GRM8: variants seen among roughly 807,000 people sequenced by gnomAD.
GRM8 encodes the protein glutamate metabotropic receptor 8, also known as metabotropic glutamate receptor 8.
In GRM8, 47 loss-of-function variants were observed where a neutral mutation model predicts 87.2. The observed-to-expected ratio is 0.54, with a 90% CI of 0.43 to 0.69. GRM8 has a LOEUF of 0.69. GRM8 is among the 30% of genes least tolerant of loss of function. GRM8 has a pLI of 0.00. For synonymous variants in GRM8, 396 were observed against 404.5 expected (o/e 0.98, Z 0.25); for missense variants, 1,019 against 1,139.2 (o/e 0.89, Z 1.52).
chr7:127,100,317 A>G lies in GRM8; in HGVS notation c.727+6179T>C, dbSNP rs567868795. ...CCTGTTTTCTTATGAAACACTGCTC[A>G]TCATCCTTAAATTTTTTTCTGAGGA... On this transcript the variant is annotated intron_variant, in intron 3 of 10. Transcript: ENST00000339582. Among the ~76,000 whole-genome samples the G allele has an allele frequency of 9.9e-5, 15 of 152,266 alleles. No homozygotes were observed. The East Asian group carries it at 2.7e-3, about 27-fold the overall frequency.
intron 7 of GRM8, among the ~76,000 whole-genome samples, chr7:126,708,447 T>G (rs531274363): frequency 1.3e-5 from 2 of 152,138 alleles, no homozygotes; most frequent in East Asian, 3.9e-4. Flanking sequence ...GCAGCATTAT[T>G]CACAATAGTG....
intron 1 of GRM8, among the ~76,000 whole-genome samples, chr7:127,246,908 C>T (rs1424213361): frequency 1.3e-5 from 2 of 152,186 alleles, no homozygotes; most frequent in Admixed American, 1.3e-4. Flanking sequence ...TGGCCCCAAC[C>T]CCTGAGAGCG....
chr7:126,870,450 T>C (rs938951477), intron 6 of GRM8: 2 of 152,262 alleles, frequency 1.3e-5, no homozygotes, highest in African/African-American at 4.8e-5. Flanking sequence ...TGTGCCTTCC[T>C]CATTAAGCTT....
At chr7:127,128,288 T>C (rs1827483261) in intron 2 of GRM8, among the ~76,000 whole-genome samples, 1 of 152,142 alleles carries the variant, frequency 6.6e-6, no homozygotes, top group Admixed American at 6.6e-5. Context: ...CTAATTCAGT[T>C]TGAGGATGAC....
chr7:126,856,704 G>T (rs1247169627), intron 6 of GRM8, among the ~76,000 whole-genome samples: 5 of 152,220 alleles, frequency 3.3e-5, no homozygotes, highest in Non-Finnish European at 7.3e-5. Context: ...ATACAACAAT[G>T]CTAAGTCATC....
chr7:126,744,109 TA>T (rs1410130436), intron 7 of GRM8, among the ~76,000 whole-genome samples: 2 of 151,564 alleles, frequency 1.3e-5, no homozygotes, highest in African/African-American at 2.4e-5. Context: ...GATGTGTGAG[TA>T]AAAAAACAGT....
intron 2 of GRM8, among the ~76,000 whole-genome samples, chr7:127,168,507 T>C (rs924776003): frequency 6.6e-6 from 1 of 152,208 alleles, no homozygotes; most frequent in African/African-American, 2.4e-5. Context: ...ACTGGGTATA[T>C]ACTCAAAGGA....
chr7:127,186,713 T>C (rs756464281), intron 2 of GRM8, among the ~76,000 whole-genome samples: 5 of 152,216 alleles, frequency 3.3e-5, no homozygotes, highest in Non-Finnish European at 4.4e-5. Context: ...ATGAAATGTA[T>C]TAATTTGCTG....
chr7:126,934,723 C>G (rs1806117289), intron 3 of GRM8, among the ~76,000 whole-genome samples: 1 of 152,056 alleles, frequency 6.6e-6, no homozygotes, highest in African/African-American at 2.4e-5. Flanking sequence ...GAGTCTTTGC[C>G]TTCATAAGCA....
intron 9 of GRM8, among the ~76,000 whole-genome samples, chr7:126,472,558 T>G (rs1321357131): frequency 6.6e-6 from 1 of 152,122 alleles, no homozygotes; most frequent in South Asian, 2.1e-4. Flanking sequence ...AAGCAGAGCA[T>G]AAAAGTTTGA....
At chr7:127,160,174 C>T (rs1367580365) in intron 2 of GRM8, among the ~76,000 whole-genome samples, 1 of 151,944 alleles carries the variant, frequency 6.6e-6, no homozygotes, top group African/African-American at 2.4e-5. Flanking sequence ...AGATTAAACC[C>T]CAGCCACCAA....
At chr7:126,619,272 G>T (rs529775738) in intron 7 of GRM8, among the ~76,000 whole-genome samples, 22 of 152,158 alleles carry the variant, frequency 1.4e-4, no homozygotes, top group African/African-American at 5.1e-4. Context: ...ACTACCCCAA[G>T]AACAAAAAAC....
At chr7:126,526,889 G>T (rs1432360270) in intron 9 of GRM8, among the ~76,000 whole-genome samples, 1 of 152,166 alleles carries the variant, frequency 6.6e-6, no homozygotes, top group East Asian at 1.9e-4. Flanking sequence ...CCACATAAAT[G>T]CTTTCTTTTC....
At chr7:126,746,489 A>G (rs1426383011) in intron 7 of GRM8, among the ~76,000 whole-genome samples, 2 of 151,760 alleles carry the variant, frequency 1.3e-5, no homozygotes, top group Non-Finnish European at 1.5e-5. Context: ...TTTTATAATT[A>G]GTAACAAAAA....
intron 2 of GRM8, among the ~76,000 whole-genome samples, chr7:127,232,554 A>G (rs936832815): frequency 3.3e-5 from 5 of 152,072 alleles, no homozygotes; most frequent in Non-Finnish European, 7.4e-5. Flanking sequence ...CTGGCCCATC[A>G]GTTCTGTTTC....
chr7:126,956,488 C>T (rs1013334331), intron 3 of GRM8, among the ~76,000 whole-genome samples: 1 of 152,128 alleles, frequency 6.6e-6, no homozygotes, highest in South Asian at 2.1e-4. Context: ...TTCAACATTC[C>T]CTTTTTTTTA....
At chr7:127,028,069 T>C (rs1269897121) in intron 3 of GRM8, among the ~76,000 whole-genome samples, 1 of 152,218 alleles carries the variant, frequency 6.6e-6, no homozygotes, top group East Asian at 1.9e-4. Context: ...AGGACTTTTC[T>C]GCATCTACTG....
At chr7:126,504,380 C>T (rs1434854276) in intron 9 of GRM8, among the ~76,000 whole-genome samples, 2 of 151,960 alleles carry the variant, frequency 1.3e-5, no homozygotes, top group Non-Finnish European at 2.9e-5. Context: ...AATGTCCTTC[C>T]TTGAAAACAT....
chr7:126,465,440 T>C (rs1804382617), intron 9 of GRM8: 1 of 151,840 alleles, frequency 6.6e-6, no homozygotes, highest in South Asian at 2.1e-4. Flanking sequence ...GATATCTTTA[T>C]AAAATTGAAT....
Sources: allele counts gnomAD v4.1 joint callset (sites outside exome capture counted in the v4.1 genomes callset), GRCh38; gene constraint gnomAD v4.1.1; transcripts MANE v1.5; gene names NCBI Gene and HGNC (gene_info 2026-07-23, HGNC 2026-07-21).